The following SDK1 variants were observed in gnomAD, a reference collection of about 807,000 sequenced individuals.
SDK1 encodes the protein protein sidekick-1.
In SDK1, 157 loss-of-function variants were observed where a neutral mutation model predicts 245.5. The observed-to-expected ratio is 0.64, with a 90% confidence interval of 0.56 to 0.73. The LOEUF (loss-of-function observed/expected upper bound fraction) is 0.73, where lower values mean the gene tolerates loss of function less well. Ranked by LOEUF, SDK1 falls within the 30% of genes least tolerant of loss-of-function variation. SDK1 has a pLI of 0.00. For missense variants in SDK1, 3,583 were observed against 3,002.3 expected (o/e 1.19, Z -4.52); for synonymous variants, 1,647 against 1,278.5 (o/e 1.29, Z -6.15).
At chr7:3,746,685 T>C (rs777943950) in intron 4 of SDK1, among the ~76,000 whole-genome samples, 5 of 152,176 alleles carry the variant, frequency 3.3e-5, no homozygotes, top group Non-Finnish European at 5.9e-5. Flanking sequence ...TTGGTTACAG[T>C]TTATTATGAG....
chr7:3,768,297 C>T (rs1308330944), intron 4 of SDK1, among the ~76,000 whole-genome samples: 1 of 152,110 alleles, frequency 6.6e-6, no homozygotes, highest in Non-Finnish European at 1.5e-5. Flanking sequence ...TAGACATGGC[C>T]CGCATAAAGC....
chr7:4,090,869 T>C (rs1781745494), intron 22 of SDK1, among the ~76,000 whole-genome samples: 1 of 148,934 alleles, frequency 6.7e-6, no homozygotes, highest in South Asian at 2.2e-4. Flanking sequence ...CCAAATACAA[T>C]GCAAAACCCT....
At chr7:3,439,237 A>G (rs942464943) in intron 1 of SDK1, among the ~76,000 whole-genome samples, 2 of 152,176 alleles carry the variant, frequency 1.3e-5, no homozygotes, top group Non-Finnish European at 1.5e-5. Flanking sequence ...TAGTTAACCT[A>G]TTTAGATAAA....
At chr7:3,439,887 A>G (rs1780145346) in intron 1 of SDK1, among the ~76,000 whole-genome samples, 1 of 152,140 alleles carries the variant, frequency 6.6e-6, no homozygotes, top group Non-Finnish European at 1.5e-5. Flanking sequence ...GAGGCAGGTC[A>G]GATTGGGATA....
intron 44 of SDK1, among the ~76,000 whole-genome samples, chr7:4,263,752 G>GA (rs1479184298): frequency 3.4e-4 from 1 of 2,934 alleles, no homozygotes; most frequent in Non-Finnish European, 6.6e-4. Context: ...TCTCCTGAGT[G>GA]GGGAGGCCGC....
intron 25 of SDK1, among the ~76,000 whole-genome samples, chr7:4,122,878 T>G (rs907358172): frequency 3.3e-5 from 5 of 152,236 alleles, no homozygotes; most frequent in Non-Finnish European, 7.3e-5. Context: ...TGCAACTCCA[T>G]GGCAGATCTT....
chr7:3,352,766 CT>C (rs1052400091), intron 1 of SDK1, among the ~76,000 whole-genome samples: 38 of 151,052 alleles, frequency 2.5e-4, no homozygotes, highest in African/African-American at 8.0e-4. Context: ...TAGGGAAACC[CT>C]TTTTTTTTCT....
chr7:3,746,238 C>G (rs1779614684), intron 4 of SDK1, among the ~76,000 whole-genome samples: 1 of 152,190 alleles, frequency 6.6e-6, no homozygotes, highest in Non-Finnish European at 1.5e-5. Flanking sequence ...AATTTACATA[C>G]CTTAATTCAA....
intron 4 of SDK1, among the ~76,000 whole-genome samples, chr7:3,681,163 G>A (rs1409202163): frequency 6.6e-6 from 1 of 151,340 alleles, no homozygotes; most frequent in Non-Finnish European, 1.5e-5. Context: ...TTTCTTTATA[G>A]TTTCACCATC....
In SDK1 at chr7:4,076,852, G is replaced by T. The variant is rs897084721; in HGVS notation, c.3011-146G>T. The T allele has an allele frequency of 9.2e-6, 6 of 648,910 alleles. No individual in the cohort carries two copies. The African/African-American group carries it at 1.1e-4, about 12-fold the overall frequency. 40.2% of individuals were successfully genotyped at this position (648,910 alleles called of 1,614,324 possible). The stretch of plus-strand genomic sequence containing the variant: ...GAAGGAGCCTTGACCTGTGTCTCAT[G>T]TCAGTAGCACAGTGGCTCTAAGCTG... On this transcript the variant is annotated intron_variant, in intron 20 of 44. Transcript: ENST00000404826.
intron 4 of SDK1, among the ~76,000 whole-genome samples, chr7:3,707,092 A>G (rs1040067801): frequency 6.6e-6 from 1 of 151,944 alleles, no homozygotes; most frequent in Non-Finnish European, 1.5e-5. Flanking sequence ...TTCTTCTGCT[A>G]GCTTTGGGTT....
chr7:4,265,402 C>A lies in SDK1; in HGVS notation c.*18C>A, dbSNP rs1446994523. ...TCGTGTGAGCAAAGCGCCGCGCCTC[C>A]CTCAGGGCGGAACGGAGGCAACTTT... On this transcript the variant is annotated 3_prime_UTR_variant, in exon 45 of 45. Coordinates refer to ENST00000404826, the MANE Select transcript of SDK1 (RefSeq NM_152744.4). 3 of 1,419,228 alleles carry A rather than the reference C, an allele frequency of 2.1e-6. No homozygotes were observed. The highest frequency in any genetic ancestry group is 3.0e-5 in the African/African-American group (2 of 66,430). The allele number at this position is 1,419,228 out of a possible 1,614,324, so 87.9% of individuals were successfully genotyped here.
intron 1 of SDK1, among the ~76,000 whole-genome samples, chr7:3,341,491 A>T (rs1202548158): frequency 6.6e-6 from 1 of 152,210 alleles, no homozygotes; most frequent in Non-Finnish European, 1.5e-5. Flanking sequence ...CAGTAGTACT[A>T]AAAGATATCC....
At chr7:3,865,459 A>C (rs771924740) in intron 5 of SDK1, among the ~76,000 whole-genome samples, 2 of 152,210 alleles carry the variant, frequency 1.3e-5, no homozygotes, top group Non-Finnish European at 2.9e-5. Context: ...AAATGAAAGA[A>C]TAGCCACCAG....
chr7:4,076,580 A>G (rs1780695613), intron 20 of SDK1, among the ~76,000 whole-genome samples: 1 of 152,230 alleles, frequency 6.6e-6, no homozygotes, highest in South Asian at 2.1e-4. Flanking sequence ...ACATATATAC[A>G]TACATAACAT....
chr7:4,005,438 T>TG (rs1785405916), intron 14 of SDK1, among the ~76,000 whole-genome samples: 21 of 94,518 alleles, frequency 2.2e-4, no homozygotes, highest in African/African-American at 7.8e-4. Context: ...GTGTGTGTGT[T>TG]AATACTTCTT....
At chr7:3,617,001 G>A (rs1428751204) in intron 1 of SDK1, among the ~76,000 whole-genome samples, 2 of 152,160 alleles carry the variant, frequency 1.3e-5, no homozygotes, top group African/African-American at 2.4e-5. Flanking sequence ...AGATTATCTG[G>A]ATTTAAATCA....
chr7:4,201,329 G>A (rs2342817), intron 35 of SDK1, among the ~76,000 whole-genome samples: 3 of 151,990 alleles, frequency 2.0e-5, no homozygotes, highest in South Asian at 2.1e-4. Context: ...AGCAGATTGC[G>A]AGCAAGATTT....
At chr7:3,924,709 G>C (rs1053014583) in intron 5 of SDK1, among the ~76,000 whole-genome samples, 1 of 152,138 alleles carries the variant, frequency 6.6e-6, no homozygotes, top group African/African-American at 2.4e-5. Flanking sequence ...AGAGAGTTCT[G>C]GCATGCTAAT....
Sources: gnomAD v4.1 joint callset for allele counts (sites outside exome capture counted in the v4.1 genomes callset) on GRCh38, gnomAD v4.1.1 for gene constraint, MANE v1.5 for transcripts, NCBI Gene and HGNC (gene_info 2026-07-23, HGNC 2026-07-21) for gene names.